The following GRID2 variants were observed in gnomAD, a reference collection of about 807,000 sequenced individuals.
GRID2 encodes glutamate receptor ionotropic, delta-2.
GRID2 carries 33 observed loss-of-function variants against 114.8 expected under a neutral mutation model. That is an observed-to-expected ratio of 0.29 (90% CI 0.22 to 0.38). GRID2 has a LOEUF of 0.38. Among genes scored for constraint, GRID2 ranks in the 10% least tolerant of loss-of-function variants. The probability of loss-of-function intolerance (pLI) is 1.00; values close to 1 mark genes in which losing one functional copy is unlikely to be tolerated. For missense variants in GRID2, 1,184 were observed against 1,257.7 expected (o/e 0.94, Z 0.89); for synonymous variants, 505 against 449.9 (o/e 1.12, Z -1.55).
At chr4:93,259,230 C>T (rs150024470) in intron 8 of GRID2, among the ~76,000 whole-genome samples, 1 of 151,822 alleles carries the variant, frequency 6.6e-6, no homozygotes, top group East Asian at 1.9e-4. Context: ...CCTACAGCAC[C>T]ATGCAGAATT....
At chr4:92,989,646 T>G (rs1197081256) in intron 2 of GRID2, among the ~76,000 whole-genome samples, 1 of 152,204 alleles carries the variant, frequency 6.6e-6, no homozygotes, top group Non-Finnish European at 1.5e-5. Context: ...ATGACAGAGC[T>G]AATTTTAATA....
At chr4:93,351,172 C>T (rs1181005037) in intron 8 of GRID2, among the ~76,000 whole-genome samples, 3 of 152,020 alleles carry the variant, frequency 2.0e-5, no homozygotes, top group South Asian at 2.1e-4. Flanking sequence ...ACAGCCAAAC[C>T]GTATCAATCA....
At chr4:93,596,368 G>A (rs959273813) in intron 13 of GRID2, among the ~76,000 whole-genome samples, 6 of 152,126 alleles carry the variant, frequency 3.9e-5, no homozygotes, top group Non-Finnish European at 7.4e-5. Context: ...CACGAGGTCA[G>A]AAGATCAAAA....
chr4:93,790,127 G>A (rs1162757563), intron 1 of GRID2, among the ~76,000 whole-genome samples: 2 of 20,782 alleles, frequency 9.6e-5, no homozygotes, highest in African/African-American at 1.9e-4. Context: ...CCCCTACCCC[G>A]TGCCCATCCG....
intron 2 of GRID2, among the ~76,000 whole-genome samples, chr4:92,627,517 T>A (rs1224661907): frequency 2.0e-5 from 3 of 152,156 alleles, no homozygotes; most frequent in Non-Finnish European, 4.4e-5. Context: ...GTGTACATTC[T>A]CTATAGCCAA....
chr4:93,133,106 T>C (rs1734950827), intron 4 of GRID2, among the ~76,000 whole-genome samples: 1 of 152,216 alleles, frequency 6.6e-6, no homozygotes, highest in Non-Finnish European at 1.5e-5. Context: ...AACTATTCCA[T>C]CAACTATAGC....
intron 1 of GRID2, among the ~76,000 whole-genome samples, chr4:92,510,803 C>T (rs1000153872): frequency 1.6e-4 from 24 of 149,424 alleles, no homozygotes; most frequent in Middle Eastern, 3.5e-3. Context: ...AGCATATATA[C>T]GTATTAAAAC....
intron 13 of GRID2, among the ~76,000 whole-genome samples, chr4:93,588,437 A>G (rs1737764240): frequency 6.6e-6 from 1 of 152,172 alleles, no homozygotes; most frequent in Non-Finnish European, 1.5e-5. Flanking sequence ...CTATAAGCCA[A>G]TGCAAACAGT....
chr4:93,556,078 T>A (rs561950679), intron 13 of GRID2, among the ~76,000 whole-genome samples: 67 of 152,090 alleles, frequency 4.4e-4, no homozygotes, highest in Non-Finnish European at 8.2e-4. Context: ...ACAAAAAGGA[T>A]GTCCACACAA....
chr4:92,861,755 A>G (rs1371683781), intron 2 of GRID2, among the ~76,000 whole-genome samples: 1 of 152,054 alleles, frequency 6.6e-6, no homozygotes, highest in Non-Finnish European at 1.5e-5. Flanking sequence ...ATAAGAAGTA[A>G]CTAATCAGAC....
At chr4:92,410,699 A>C (rs1386883339) in intron 1 of GRID2, among the ~76,000 whole-genome samples, 1 of 152,168 alleles carries the variant, frequency 6.6e-6, no homozygotes, top group East Asian at 1.9e-4. Flanking sequence ...GCACATAGCA[A>C]TACAGATTAA....
chr4:93,090,629 C>T (rs1328983592), intron 3 of GRID2, among the ~76,000 whole-genome samples: 1 of 152,164 alleles, frequency 6.6e-6, no homozygotes, highest in Admixed American at 6.6e-5. Flanking sequence ...AAGGTAGCCT[C>T]ACTTTGGAGA....
intron 10 of GRID2, among the ~76,000 whole-genome samples, chr4:93,425,476 C>T (rs1768752432): frequency 1.3e-5 from 2 of 152,156 alleles, no homozygotes; most frequent in Admixed American, 6.6e-5. Context: ...TCCTCAAGCC[C>T]TTCTGACTTA....
At chr4:92,616,323 GT>G (rs1035481432) in intron 2 of GRID2, among the ~76,000 whole-genome samples, 18 of 150,818 alleles carry the variant, frequency 1.2e-4, no homozygotes, top group African/African-American at 4.4e-4. Flanking sequence ...GGCCTCCTTT[GT>G]TTCTTGTAAA....
intron 8 of GRID2, among the ~76,000 whole-genome samples, chr4:93,328,686 CATGG>C (rs1248978894): frequency 1.3e-5 from 2 of 149,282 alleles, no homozygotes; most frequent in Non-Finnish European, 3.0e-5. Context: ...TGATTAAGTG[CATGG>C]ATGGATGGAT....
At chr4:92,605,565 G>T (rs1729416259) in intron 2 of GRID2, among the ~76,000 whole-genome samples, 2 of 151,992 alleles carry the variant, frequency 1.3e-5, no homozygotes, top group South Asian at 4.2e-4. Context: ...TTTTTTATAA[G>T]ATGATGATGA....
At chr4:92,782,135 C>A (rs2149359156) in intron 2 of GRID2, among the ~76,000 whole-genome samples, 1 of 152,026 alleles carries the variant, frequency 6.6e-6, no homozygotes, top group Non-Finnish European at 1.5e-5. Flanking sequence ...GAAAATGCAT[C>A]ATATTTAGAT....
chr4:92,627,178 T>TTC (rs1730563773), intron 2 of GRID2, among the ~76,000 whole-genome samples: 1 of 152,020 alleles, frequency 6.6e-6, no homozygotes, highest in South Asian at 2.1e-4. Flanking sequence ...GACCTAGAGA[T>TTC]CTATAGTATA....
intron 2 of GRID2, among the ~76,000 whole-genome samples, chr4:93,008,489 T>G (rs1386066574): frequency 6.6e-6 from 1 of 152,146 alleles, no homozygotes; most frequent in Non-Finnish European, 1.5e-5. Context: ...CCTTTCCTTT[T>G]CTTTTTCTTT....
Sources: allele counts gnomAD v4.1 joint callset (sites outside exome capture counted in the v4.1 genomes callset), GRCh38; gene constraint gnomAD v4.1.1; transcripts MANE v1.5; gene names NCBI Gene and HGNC (gene_info 2026-07-23, HGNC 2026-07-21).